Variants in MARCHF1 observed in about 807,000 individuals in gnomAD.
MARCHF1 encodes E3 ubiquitin-protein ligase MARCHF1.
A neutral mutation model predicts 54.2 loss-of-function variants in MARCHF1; 40 were observed. That is an observed-to-expected ratio of 0.74 (90% CI 0.57 to 0.96). The LOEUF (loss-of-function observed/expected upper bound fraction) is 0.96. MARCHF1 is among the 40% of genes least tolerant of loss of function. The pLI, the probability that MARCHF1 is intolerant of heterozygous loss-of-function variation, is 0.00. For synonymous variants in MARCHF1, 236 were observed against 236.3 expected, an observed-to-expected ratio of 1.00 and a Z score of 0.01; for missense variants, 586 against 656.5, an observed-to-expected ratio of 0.89 and a Z score of 1.17.
chr4:163,622,189 G>T (rs1158693248), intron 5 of MARCHF1, among the ~76,000 whole-genome samples: 1 of 151,912 alleles, frequency 6.6e-6, no homozygotes, highest in Non-Finnish European at 1.5e-5. Flanking sequence ...ACACTACCAA[G>T]CAGAGACACT....
intron 5 of MARCHF1, among the ~76,000 whole-genome samples, chr4:163,619,274 T>C (rs554876392): frequency 2.0e-5 from 3 of 152,278 alleles, no homozygotes; most frequent in Admixed American, 2.0e-4. Context: ...AATTGGAAGG[T>C]TCAGGGTTGT....
At chr4:164,208,140 G>C (rs1300077428) in intron 1 of MARCHF1, among the ~76,000 whole-genome samples, 2 of 152,158 alleles carry the variant, frequency 1.3e-5, no homozygotes, top group Non-Finnish European at 2.9e-5. Context: ...TAACTCATCA[G>C]TGTCTCTGGA....
intron 9 of MARCHF1, among the ~76,000 whole-genome samples, chr4:163,540,430 T>C (rs1398243081): frequency 6.6e-6 from 1 of 152,176 alleles, no homozygotes; most frequent in Non-Finnish European, 1.5e-5. Context: ...CGGGTTTTCT[T>C]CTTTACTTTT....
At chr4:164,250,681 A>C (rs1733099305) in intron 1 of MARCHF1, among the ~76,000 whole-genome samples, 1 of 152,136 alleles carries the variant, frequency 6.6e-6, no homozygotes, top group Non-Finnish European at 1.5e-5. Flanking sequence ...AACATGATAA[A>C]TTTGAGCTTG....
intron 5 of MARCHF1, among the ~76,000 whole-genome samples, chr4:163,692,510 G>C (rs983034606): frequency 2.6e-5 from 4 of 152,172 alleles, no homozygotes; most frequent in African/African-American, 9.7e-5. Flanking sequence ...GAGGAAGTCA[G>C]TGTGTCTGGA....
intron 1 of MARCHF1, among the ~76,000 whole-genome samples, chr4:164,134,795 G>A (rs780193736): frequency 2.0e-5 from 3 of 149,012 alleles, no homozygotes; most frequent in Non-Finnish European, 4.4e-5. Context: ...AAAAAAATAC[G>A]AGATTCAAAG....
rs1431822409 is a variant in MARCHF1 at position 163,658,296 on chromosome 4, G to GA, written c.162+42516dup. On this transcript the variant is annotated intron_variant, in intron 5 of 9. Coordinates refer to ENST00000514618, the MANE Select transcript of MARCHF1 (RefSeq NM_001394959.1). ...AGACATTCATGCAGCCAATAAACGT[G>GA]AAAAAAAGCTCAATGTCATAAAAGA... 7.9e-5 allele frequency among the ~76,000 whole-genome samples: 12 copies of GA among 151,886 alleles called. No individual in the cohort carries two copies. The South Asian group carries it at 2.1e-3, about 26-fold the overall frequency.
intron 1 of MARCHF1, among the ~76,000 whole-genome samples, chr4:164,332,513 G>T (rs1294870690): frequency 6.6e-6 from 1 of 152,176 alleles, no homozygotes; most frequent in African/African-American, 2.4e-5. Context: ...GTGGAGCAGG[G>T]GAAGATGCTG....
intron 1 of MARCHF1, among the ~76,000 whole-genome samples, chr4:164,221,520 C>A (rs960154431): frequency 3.3e-5 from 5 of 151,888 alleles, no homozygotes; most frequent in Non-Finnish European, 5.9e-5. Flanking sequence ...AATATAGCAT[C>A]AACTTTGCAT....
intron 4 of MARCHF1, among the ~76,000 whole-genome samples, chr4:163,813,570 G>C (rs1189325310): frequency 6.6e-6 from 1 of 152,040 alleles, no homozygotes; most frequent in Non-Finnish European, 1.5e-5. Context: ...AAAAACTGAA[G>C]TTATATCTGC....
intron 5 of MARCHF1, among the ~76,000 whole-genome samples, chr4:163,642,580 T>C (rs567665958): frequency 3.3e-4 from 50 of 152,318 alleles, no homozygotes; most frequent in African/African-American, 9.9e-4. Flanking sequence ...CTAGATTTTT[T>C]TGTAAAGTTC....
rs773819124 is a variant in MARCHF1, at chr4:163,545,584, A to G, written c.1339+12T>C. The G allele has an allele frequency of 3.7e-6, 6 of 1,610,314 alleles. No individual in the cohort carries two copies. The highest frequency in any genetic ancestry group is 5.1e-6 in the Non-Finnish European group (6 of 1,178,252). On this transcript the variant is annotated intron_variant, in intron 9 of 9. Transcript: ENST00000514618. The stretch of plus-strand genomic sequence containing the variant: ...AGGATCCAAGAGGGTAAGAAGAAAG[A>G]TGTGCTCTTACCATTGTCATTGCCT...
At chr4:163,558,675 G>A (rs1401886769) in intron 8 of MARCHF1, among the ~76,000 whole-genome samples, 1 of 152,158 alleles carries the variant, frequency 6.6e-6, no homozygotes, top group Admixed American at 6.5e-5. Flanking sequence ...GCCAGGCATG[G>A]TTTTGAAATG....
chr4:164,116,298 T>C (rs1379275972), intron 1 of MARCHF1, among the ~76,000 whole-genome samples: 2 of 152,192 alleles, frequency 1.3e-5, no homozygotes, highest in East Asian at 3.8e-4. Flanking sequence ...TTCCTAACTA[T>C]GCATGCTGTA....
intron 4 of MARCHF1, among the ~76,000 whole-genome samples, chr4:163,831,159 T>C (rs1749011425): frequency 6.6e-6 from 1 of 152,206 alleles, no homozygotes; most frequent in Non-Finnish European, 1.5e-5. Context: ...TAGTTTCTGT[T>C]TTCTGCACTG....
intron 9 of MARCHF1, among the ~76,000 whole-genome samples, chr4:163,535,239 A>G (rs1409656483): frequency 2.0e-5 from 3 of 152,220 alleles, no homozygotes; most frequent in Admixed American, 1.3e-4. Context: ...TTTTTCTTAT[A>G]AAAAAGTTTT....
chr4:164,242,281 G>C (rs543807171), intron 1 of MARCHF1, among the ~76,000 whole-genome samples: 1 of 144,396 alleles, frequency 6.9e-6, no homozygotes, highest in East Asian at 2.0e-4. Flanking sequence ...CTGGAGATCT[G>C]AGAACGGGCA....
intron 3 of MARCHF1, among the ~76,000 whole-genome samples, chr4:163,879,511 T>C (rs1309158013): frequency 2.6e-5 from 4 of 152,320 alleles, no homozygotes; most frequent in Admixed American, 6.5e-5. Context: ...GATATATTCT[T>C]TAAGGAGAAA....
At chr4:163,556,570 G>A (rs1420657454) in intron 8 of MARCHF1, among the ~76,000 whole-genome samples, 2 of 150,266 alleles carry the variant, frequency 1.3e-5, no homozygotes, top group South Asian at 2.1e-4. Flanking sequence ...TTTTACTCTC[G>A]AGAGTCTCTT....
Sources: allele counts gnomAD v4.1 joint callset (sites outside exome capture counted in the v4.1 genomes callset), GRCh38; gene constraint gnomAD v4.1.1; transcripts MANE v1.5; gene names NCBI Gene and HGNC (gene_info 2026-07-23, HGNC 2026-07-21).